The following SGSH variants were observed in gnomAD, a reference collection of about 807,000 sequenced individuals.
The protein encoded by SGSH is N-sulfoglucosamine sulfohydrolase.
Under a neutral mutation model 51.0 loss-of-function variants are expected in SGSH, and 48 were observed. That is an observed-to-expected ratio of 0.94 (90% confidence interval 0.75 to 1.20). SGSH has a LOEUF of 1.20. Ranked by LOEUF, SGSH falls within the 50% of genes most tolerant of loss-of-function variation. The pLI is 0.00. For synonymous variants in SGSH, 321 were observed against 313.4 expected (o/e 1.02, Z -0.26); for missense variants, 662 against 717.8 (o/e 0.92, Z 0.89).
In SGSH at chr17:80,210,139, T is replaced by C. The variant is rs2041574472; in HGVS notation, c.*313A>G. On this transcript the variant is annotated 3_prime_UTR_variant, in exon 8 of 8. Coordinates refer to ENST00000326317, the MANE Select transcript of SGSH (RefSeq NM_000199.5). ...CTCCCTTGTCATGGGCTGGGGGCGCTGCCCTGTCCGCAGACCACGTATGTC... is the reference window on the plus strand; with the variant it reads ...CTCCCTTGTCATGGGCTGGGGGCGCCGCCCTGTCCGCAGACCACGTATGTC... 7.9e-7 allele frequency: 1 copy of C among 1,272,472 alleles called. No individual in the cohort carries two copies. The highest frequency in any genetic ancestry group is 1.0e-6 in the Non-Finnish European group (1 of 1,001,888). 78.8% of individuals were successfully genotyped at this position (1,272,472 alleles called of 1,614,324 possible).
chr17:80,207,558 AAAC>A (rs988910535), downstream of SGSH: 31 of 156,066 alleles, frequency 2.0e-4, no homozygotes, highest in East Asian at 1.5e-3. Context: ...CAACAAAACA[AAAC>A]AACAACAACA....
chr17:80,208,328 G>C (rs766844541), downstream of SGSH: 7 of 1,600,004 alleles, frequency 4.4e-6, no homozygotes, highest in Non-Finnish European at 8.5e-7. Flanking sequence ...GGTGTGGACG[G>C]AGCAGAGCCC....
At chr17:80,204,139 G>A (rs143158026), downstream of SGSH, 433 of 1,288,126 alleles carry the variant, frequency 3.4e-4, no homozygotes, top group Non-Finnish European at 4.2e-4. Flanking sequence ...CTCCCAGGTC[G>A]CCCTAGTGCC....
At chr17:80,219,953 G>C in intron 1 of SGSH, 1 of 375,194 alleles carries the variant, frequency 2.7e-6, no homozygotes, top group Middle Eastern at 6.8e-4. Context: ...GCCCTGGCTG[G>C]GCAGGGTCAG....
At chr17:80,207,402 C>T (rs150855797), downstream of SGSH, among the ~76,000 whole-genome samples, 413 of 152,194 alleles carry the variant, frequency 2.7e-3, 2 homozygotes, top group African/African-American at 9.5e-3. Context: ...AATACAAAAA[C>T]TAGCCAGGTG....
chr17:80,204,364 A>G, downstream of SGSH: 2 of 1,531,106 alleles, frequency 1.3e-6, no homozygotes, highest in South Asian at 2.4e-5. Context: ...GAGCTGGCAC[A>G]GGGGCCACTG....
chr17:80,208,211 G>A (rs747172725), downstream of SGSH: 7 of 1,558,114 alleles, frequency 4.5e-6, no homozygotes, highest in Admixed American at 1.9e-5. Flanking sequence ...GGGAGACCTG[G>A]ACCGGGCGCC....
the SGSH span, chr17:80,201,248 G>A: frequency 6.2e-6 from 1 of 161,602 alleles, no homozygotes; most frequent in Non-Finnish European, 1.4e-5. The surrounding 1 kb of genome is among the most constrained non-coding windows in gnomAD (Gnocchi z 5.0). Context: ...GAAGTGGATG[G>A]TGGAAGCCCT....
downstream of SGSH, chr17:80,205,743 G>C (rs1250555403): frequency 7.6e-7 from 1 of 1,322,020 alleles, no homozygotes; most frequent in Non-Finnish European, 1.0e-6. Context: ...TACAGGGACC[G>C]ACCTGAGACC....
downstream of SGSH, chr17:80,202,246 G>A (rs2041022951): frequency 6.8e-6 from 11 of 1,613,966 alleles, no homozygotes; most frequent in South Asian, 1.1e-5. Context: ...TTCTACATCC[G>A]GGTCAACCTG....
At chr17:80,211,295 C>G in intron 7 of SGSH, 1 of 757,624 alleles carries the variant, frequency 1.3e-6, no homozygotes, top group Non-Finnish European at 2.0e-6. Context: ...TACTCCAGCC[C>G]CTGTGGTGGG....
chr17:80,205,392 C>A, downstream of SGSH: 1 of 1,261,236 alleles, frequency 7.9e-7, no homozygotes. Context: ...TGTGCAGGGT[C>A]AGGTTTGTAA....
rs2041704847 is a variant in SGSH, at chr17:80,212,374, C to T, written c.746-100G>A. 2 of 1,070,070 alleles carry T rather than the reference C, an allele frequency of 1.9e-6. No individual in the cohort carries two copies. The allele number at this position is 1,070,070 out of a possible 1,614,324, so 66.3% of individuals were successfully genotyped here. ...CCTGCTGCTGCATCCGGCCGCTGGGCTCCAGCGCTTTCCGGATTCGAAAGC... is the reference window on the plus strand; with the variant it reads ...CCTGCTGCTGCATCCGGCCGCTGGGTTCCAGCGCTTTCCGGATTCGAAAGC... On this transcript the variant is annotated intron_variant, in intron 6 of 7. Coordinates refer to ENST00000326317, the MANE Select transcript of SGSH (RefSeq NM_000199.5). The surrounding 1 kb of genome is among the most constrained non-coding windows in gnomAD (Gnocchi z 5.9).
chr17:80,218,121 G>A (rs991150103), intron 1 of SGSH, among the ~76,000 whole-genome samples: 1 of 152,242 alleles, frequency 6.6e-6, no homozygotes, highest in Non-Finnish European at 1.5e-5. Flanking sequence ...GGCAGACAGC[G>A]GCTGAGCGCA....
At chr17:80,202,447 G>A (rs201022318), downstream of SGSH, 32 of 1,601,744 alleles carry the variant, frequency 2.0e-5, no homozygotes, top group Admixed American at 1.8e-4. Flanking sequence ...AGCTCGGTGC[G>A]TCCCCAGAGA....
chr17:80,220,203 G>A (rs77032342), intron 1 of SGSH, 23 bp downstream of exon 1: 41 of 1,488,982 alleles, frequency 2.8e-5, no homozygotes, highest in South Asian at 5.0e-5. Flanking sequence ...AGGTGGGCGT[G>A]GGGGGGCGGC....
intron 4 of SGSH, 32 bp from the exon 5 acceptor site, chr17:80,214,360 C>T (rs570500924): frequency 6.9e-6 from 11 of 1,603,238 alleles, no homozygotes; most frequent in East Asian, 2.2e-5. Context: ...GCCAAGGCTG[C>T]GGGGCCACTG....
downstream of SGSH, chr17:80,209,203 C>A (rs1233042368): frequency 1.5e-6 from 1 of 667,952 alleles, no homozygotes; most frequent in African/African-American, 2.0e-5. Flanking sequence ...CTGTTGCAGA[C>A]TGAATGTCAT....
downstream of SGSH, chr17:80,205,140 G>C: frequency 6.2e-7 from 1 of 1,613,782 alleles, no homozygotes; most frequent in East Asian, 2.2e-5. Flanking sequence ...CTCGTGCCCA[G>C]GGCGGTTGGG....
Sources: allele counts gnomAD v4.1 joint callset (sites outside exome capture counted in the v4.1 genomes callset), GRCh38; gene constraint gnomAD v4.1.1; non-coding constraint Gnocchi (gnomAD v3.1); transcripts MANE v1.5; gene names NCBI Gene and HGNC (gene_info 2026-07-23, HGNC 2026-07-21).